The following CADM2 variants were observed in gnomAD, a reference collection of about 807,000 sequenced individuals.
CADM2 encodes the protein cell adhesion molecule 2.
CADM2 carries 12 observed loss-of-function variants against 49.8 expected under a neutral mutation model. That is an observed-to-expected ratio of 0.24 (90% CI 0.15 to 0.39). CADM2 has a LOEUF of 0.39. Ranked by LOEUF, CADM2 falls within the 10% of genes least tolerant of loss-of-function variation. The probability of loss-of-function intolerance (pLI) is 1.00; values close to 1 mark genes in which losing one functional copy is unlikely to be tolerated. For synonymous variants in CADM2, 214 were observed against 175.4 expected, an observed-to-expected ratio of 1.22 and a Z score of -1.74; for missense variants, 378 against 492.3, an observed-to-expected ratio of 0.77 and a Z score of 2.20.
intron 2 of CADM2, among the ~76,000 whole-genome samples, chr3:85,726,851 T>G (rs2067717027): frequency 6.6e-6 from 1 of 152,080 alleles, no homozygotes; most frequent in Non-Finnish European, 1.5e-5. Context: ...CTTAGTTTCC[T>G]TGATAAAATT....
intron 8 of CADM2, among the ~76,000 whole-genome samples, chr3:85,991,840 A>G (rs1282891703): frequency 6.6e-6 from 1 of 152,130 alleles, no homozygotes; most frequent in Non-Finnish European, 1.5e-5. Context: ...ATCATTTGCT[A>G]TCATTGATTT....
chr3:85,787,887 T>A lies in CADM2; in HGVS notation c.89-14160T>A, dbSNP rs116097312. Among the ~76,000 whole-genome samples, 619 of 152,238 alleles carry A rather than the reference T, an allele frequency of 4.1e-3. 4 individuals are homozygous for A. The highest frequency in any genetic ancestry group is 0.014 in the African/African-American group (593 of 41,550). Reference sequence around the variant, plus strand: ...TGTTGTCTGTTGTGTGCCAGTCCTATTGATATTTTTCAGTTCTTTCAACAG... The same window carrying A: ...TGTTGTCTGTTGTGTGCCAGTCCTAATGATATTTTTCAGTTCTTTCAACAG... On this transcript the variant is annotated intron_variant, in intron 2 of 9. Transcript: ENST00000383699.
intron 7 of CADM2, among the ~76,000 whole-genome samples, chr3:85,947,206 C>T (rs1722837539): frequency 6.6e-6 from 1 of 151,964 alleles, no homozygotes; most frequent in African/African-American, 2.4e-5. Context: ...TGCTCATCAT[C>T]ACTGGCCATC....
intron 1 of CADM2, among the ~76,000 whole-genome samples, chr3:85,394,963 C>A (rs2034697800): frequency 6.6e-6 from 1 of 151,974 alleles, no homozygotes; most frequent in Non-Finnish European, 1.5e-5. Context: ...ATAGTTTTCT[C>A]CTAAAATATC....
chr3:85,025,353 A>G (rs986523547), intron 1 of CADM2, among the ~76,000 whole-genome samples: 11 of 152,194 alleles, frequency 7.2e-5, no homozygotes, highest in Admixed American at 6.5e-4. Flanking sequence ...TAAAAATTAT[A>G]GAAAGCTTGG....
intron 2 of CADM2, among the ~76,000 whole-genome samples, chr3:85,776,362 C>CACAT (rs1244620243): frequency 1.3e-5 from 2 of 151,456 alleles, no homozygotes; most frequent in Non-Finnish European, 3.0e-5. Context: ...CACACACACA[C>CACAT]ACAGAGTGAA....
intron 8 of CADM2, among the ~76,000 whole-genome samples, chr3:85,987,789 A>G (rs1228329535): frequency 1.3e-5 from 2 of 150,844 alleles, no homozygotes; most frequent in African/African-American, 2.4e-5. Context: ...GTTATTATTA[A>G]TCTGTTCTAT....
At chr3:85,250,940 T>G (rs1034154439) in intron 1 of CADM2, among the ~76,000 whole-genome samples, 1 of 151,824 alleles carries the variant, frequency 6.6e-6, no homozygotes, top group African/African-American at 2.4e-5. Context: ...GAGTTTCTTA[T>G]GTTGCTGTTT....
At chr3:85,553,694 G>A (rs1479702303) in intron 1 of CADM2, among the ~76,000 whole-genome samples, 1 of 152,196 alleles carries the variant, frequency 6.6e-6, no homozygotes, top group Non-Finnish European at 1.5e-5. Flanking sequence ...GATTCAGGAA[G>A]TCTTGTGTGG....
intron 1 of CADM2, among the ~76,000 whole-genome samples, chr3:84,963,223 A>G (rs1367455743): frequency 5.9e-5 from 9 of 152,174 alleles, no homozygotes; most frequent in Admixed American, 5.9e-4. Flanking sequence ...AGTAAGCGCA[A>G]GGGACACATT....
chr3:85,768,761 T>C (rs1020874061), intron 2 of CADM2, among the ~76,000 whole-genome samples: 4 of 137,544 alleles, frequency 2.9e-5, no homozygotes, highest in Non-Finnish European at 4.6e-5. Flanking sequence ...ACATATATAG[T>C]ATATATACAC....
intron 2 of CADM2, among the ~76,000 whole-genome samples, chr3:85,741,446 G>A (rs958546915): frequency 6.6e-6 from 1 of 152,130 alleles, no homozygotes; most frequent in Non-Finnish European, 1.5e-5. Flanking sequence ...GGGGCGGGGG[G>A]ATCACAAGGT....
intron 1 of CADM2, among the ~76,000 whole-genome samples, chr3:85,105,068 C>T (rs1165493149): frequency 2.0e-5 from 3 of 152,092 alleles, no homozygotes; most frequent in Admixed American, 6.6e-5. Context: ...TTATTTCCTT[C>T]TCCTGCCTAA....
intron 4 of CADM2, among the ~76,000 whole-genome samples, chr3:85,884,834 C>G (rs1713333055): frequency 6.6e-6 from 1 of 151,068 alleles, no homozygotes; most frequent in African/African-American, 2.4e-5. Context: ...AAGCGATTCT[C>G]CTGCCTCAGC....
At chr3:85,101,107 AG>A (rs2037994393) in intron 1 of CADM2, among the ~76,000 whole-genome samples, 1 of 152,094 alleles carries the variant, frequency 6.6e-6, no homozygotes, top group Non-Finnish European at 1.5e-5. Context: ...TAGAAAAATT[AG>A]CTGGGTGTGC....
chr3:85,168,098 C>T (rs1229037310), intron 1 of CADM2, among the ~76,000 whole-genome samples: 1 of 152,012 alleles, frequency 6.6e-6, no homozygotes, highest in Non-Finnish European at 1.5e-5. Context: ...CTCTGTTTCC[C>T]ACGCTAGAGT....
intron 1 of CADM2, among the ~76,000 whole-genome samples, chr3:84,969,251 G>A (rs185071190): frequency 3.2e-4 from 49 of 151,968 alleles, no homozygotes; most frequent in East Asian, 9.7e-4. Flanking sequence ...AATAAAAAGC[G>A]TTTTATAAGC....
intron 1 of CADM2, among the ~76,000 whole-genome samples, chr3:85,363,876 G>T (rs902641364): frequency 2.0e-5 from 3 of 152,304 alleles, no homozygotes; most frequent in East Asian, 3.9e-4. Flanking sequence ...CTCCTAAAGT[G>T]CTGGGATTAC....
At chr3:85,694,523 T>C (rs1468536147) in intron 1 of CADM2, among the ~76,000 whole-genome samples, 1 of 152,246 alleles carries the variant, frequency 6.6e-6, no homozygotes, top group African/African-American at 2.4e-5. Context: ...ACCCAGTGTG[T>C]GGTATTTTGC....
Sources: allele counts gnomAD v4.1 joint callset (sites outside exome capture counted in the v4.1 genomes callset), GRCh38; gene constraint gnomAD v4.1.1; transcripts MANE v1.5; gene names NCBI Gene and HGNC (gene_info 2026-07-23, HGNC 2026-07-21).